The following MMAB variants were observed in gnomAD, a reference collection of about 807,000 sequenced individuals.
MMAB encodes the protein corrinoid adenosyltransferase MMAB.
A neutral mutation model predicts 30.6 loss-of-function variants in MMAB; 17 were observed. The ratio of observed to expected loss-of-function variants is 0.56; its 90% CI spans 0.38 to 0.83. The LOEUF is 0.83. Ranked by LOEUF, MMAB falls within the 40% of genes least tolerant of loss-of-function variation. The pLI is 0.00. For synonymous variants in MMAB, 134 were observed against 138.6 expected (o/e 0.97, Z 0.23); for missense variants, 311 against 331.6 (o/e 0.94, Z 0.48).
chr12:109,570,873 CAA>C (rs111235348), intron 2 of MMAB, among the ~76,000 whole-genome samples: 36 of 92,318 alleles, frequency 3.9e-4, no homozygotes, highest in East Asian at 1.5e-3. Context: ...AACCCTGTAT[CAA>C]AAAAAAAAAA....
At chr12:109,560,888 T>C in intron 7 of MMAB, 152 bp downstream of exon 7, 2 of 787,526 alleles carry the variant, frequency 2.5e-6, no homozygotes, top group South Asian at 3.0e-5. Context: ...GCTGGATGGC[T>C]CAGAGATGGC....
In MMAB at chr12:109,554,213, T is replaced by C; in HGVS notation, c.*2815A>G. 1 of 453,894 alleles carries C rather than the reference T, an allele frequency of 2.2e-6. No individual in the cohort carries two copies. Among genetic ancestry groups the C allele is most frequent in the South Asian group, 1.6e-5 (1 of 64,480 alleles). The allele number at this position is 453,894 out of a possible 1,614,324, so 28.1% of individuals were successfully genotyped here. ...ACCCAATGCCTCCTTCCAGGGCTGC[T>C]ATGGGGTTCAAATGAGATAATGTCT... On this transcript the variant is annotated 3_prime_UTR_variant, in exon 9 of 9. Coordinates refer to ENST00000545712, the MANE Select transcript of MMAB (RefSeq NM_052845.4).
Position 109,568,802 on chromosome 12 carries a change from CA to C in MMAB, c.257del (p.Val86GlyfsTer7). On this transcript the variant is annotated frameshift_variant, in exon 3 of 9. Transcript: ENST00000545712. LOFTEE classifies it high-confidence loss of function. ...CTGAACTTAATTCATCTGTAGTTCC[CA>C]CGGCTTCAAACACTTGGTCATCTTT... ...RPKDDQVFEA[V>X]GTTDELSSAI... The C allele has an allele frequency of 6.2e-7, 1 of 1,614,152 alleles. No homozygotes were observed. Among genetic ancestry groups the C allele is most frequent in the South Asian group, 1.1e-5 (1 of 91,082 alleles).
chr12:109,559,227 T>G, intron 7 of MMAB, 72 bp from the exon 8 acceptor site: 1 of 1,169,922 alleles, frequency 8.5e-7, no homozygotes. Flanking sequence ...GCCTAAACCT[T>G]GAGCAGCATT....
intron 7 of MMAB, among the ~76,000 whole-genome samples, chr12:109,559,461 C>T (rs1342433765): frequency 6.6e-6 from 1 of 152,236 alleles, no homozygotes; most frequent in African/African-American, 2.4e-5. Context: ...GGACCTGGGT[C>T]TGGGTGGGGT....
chr12:109,565,077 G>A (rs779165443), intron 4 of MMAB, 42 bp downstream of exon 4: 9 of 1,539,518 alleles, frequency 5.8e-6, no homozygotes, highest in African/African-American at 4.1e-5. Context: ...GATGGCCACC[G>A]GGGCTGAAGA....
At chr12:109,563,435 G>A (rs1310741633) in intron 4 of MMAB, among the ~76,000 whole-genome samples, 4 of 152,236 alleles carry the variant, frequency 2.6e-5, no homozygotes, top group Non-Finnish European at 4.4e-5. Flanking sequence ...CCCTGCGAGC[G>A]GCTACCAGGC....
At chr12:109,566,325 A>G (rs1884426971) in intron 3 of MMAB, among the ~76,000 whole-genome samples, 1 of 152,236 alleles carries the variant, frequency 6.6e-6, no homozygotes, top group Non-Finnish European at 1.5e-5. Context: ...GGTGAAGAGA[A>G]GGGATTTGAA....
At chr12:109,560,917 T>C (rs1884166658) in intron 7 of MMAB, 123 bp downstream of exon 7, 2 of 975,860 alleles carry the variant, frequency 2.0e-6, no homozygotes, top group Non-Finnish European at 3.1e-6. Context: ...ACCTGCCTCC[T>C]GCCCGCTGTG....
chr12:109,566,207 C>T (rs1884419884), intron 3 of MMAB, among the ~76,000 whole-genome samples: 1 of 152,226 alleles, frequency 6.6e-6, no homozygotes, highest in Non-Finnish European at 1.5e-5. Context: ...TCTCCTATCA[C>T]CTACTGGTGC....
Position 109,569,420 on chromosome 12 carries a change from A to G in MMAB, c.197-557T>C, listed in dbSNP as rs1884558669. 6.6e-6 allele frequency among the ~76,000 whole-genome samples: 1 copy of G among 151,946 alleles called. No individual in the cohort carries two copies. The highest frequency in any genetic ancestry group is 1.5e-5 in the Non-Finnish European group (1 of 67,988). The stretch of plus-strand genomic sequence containing the variant: ...CCCCATGTAACCCCTTTTAGTTGCC[A>G]CTCCCCAAGGGTTAGCCACTATGCT... On this transcript the variant is annotated intron_variant, in intron 2 of 8. Transcript: ENST00000545712. This position sits in a 1 kb window ranked among gnomAD's most constrained non-coding sequence, Gnocchi z 4.1.
At position 109,561,684 on chromosome 12, in the gene MMAB, C is replaced by T. The variant is rs1884211791; in HGVS notation, c.421+96G>A. 3 of 1,298,000 alleles carry T rather than the reference C, an allele frequency of 2.3e-6. No individual in the cohort carries two copies. Among genetic ancestry groups the T allele is most frequent in the Middle Eastern group, 1.8e-4 (1 of 5,554 alleles). The allele number at this position is 1,298,000 out of a possible 1,614,324, so 80.4% of individuals were successfully genotyped here. A position where few individuals can be genotyped will look rare whatever the true frequency, so the allele number is the denominator to read the frequency against. On this transcript the variant is annotated intron_variant, in intron 5 of 8. Coordinates refer to ENST00000545712, the MANE Select transcript of MMAB (RefSeq NM_052845.4). This position sits in a 1 kb window ranked among gnomAD's most constrained non-coding sequence, Gnocchi z 5.3. ...TACGAGCAAGGCTAACTGACCCACC[C>T]GTGGGTCCCTGGGGGCCTGGGATCC...
chr12:109,555,378 G>A lies in MMAB; in HGVS notation c.*1650C>T, dbSNP rs1033805501. ...GCTCACTGCAGCCTCTGCCTCGTAGGTTCAAGTGATTCTCCTGCCTCAGCC... is the reference window on the plus strand; with the variant it reads ...GCTCACTGCAGCCTCTGCCTCGTAGATTCAAGTGATTCTCCTGCCTCAGCC... On this transcript the variant is annotated 3_prime_UTR_variant, in exon 9 of 9. Coordinates refer to ENST00000545712, the MANE Select transcript of MMAB (RefSeq NM_052845.4). 1.4e-5 allele frequency: 6 copies of A among 422,424 alleles called. No homozygotes were observed. The highest frequency in any genetic ancestry group is 2.7e-5 in the Non-Finnish European group (6 of 218,332). 26.2% of individuals were successfully genotyped at this position (422,424 alleles called of 1,614,324 possible). A position where few individuals can be genotyped will look rare whatever the true frequency, so the allele number is the denominator to read the frequency against.
rs747163137 is a variant in MMAB at position 109,554,292 on chromosome 12, C to G, written c.*2736G>C. ...ATAGCAAGCCCTTCCACAGTGCGGG[C>G]TGGTGTCACTGTGACTGTGGGCTTC... On this transcript the variant is annotated 3_prime_UTR_variant, in exon 9 of 9. Transcript: ENST00000545712. 7.0e-5 allele frequency: 32 copies of G among 454,066 alleles called. 1 individual carries two copies. Among genetic ancestry groups the G allele is most frequent in the South Asian group, 4.7e-4 (30 of 64,470 alleles). 28.1% of individuals were successfully genotyped at this position (454,066 alleles called of 1,614,324 possible).
rs767064351 is a variant in MMAB at position 109,554,477 on chromosome 12, T to A, written c.*2551A>T. On this transcript the variant is annotated 3_prime_UTR_variant, in exon 9 of 9. Coordinates refer to ENST00000545712, the MANE Select transcript of MMAB (RefSeq NM_052845.4). ...GATCGAGTAGTATTTGTGTGCAATATTTTCCAAAATCAAATTATGAAAAAA... is the reference window on the plus strand; with the variant it reads ...GATCGAGTAGTATTTGTGTGCAATAATTTCCAAAATCAAATTATGAAAAAA... 1 of 454,126 alleles carries A rather than the reference T, an allele frequency of 2.2e-6. No individual in the cohort carries two copies. The highest frequency in any genetic ancestry group is 6.9e-4 in the Middle Eastern group (1 of 1,444). 28.1% of individuals were successfully genotyped at this position (454,126 alleles called of 1,614,324 possible).
At chr12:109,571,746 G>A (rs1164483758) in intron 1 of MMAB, 36 bp from the exon 2 acceptor site, 1 of 1,591,410 alleles carries the variant, frequency 6.3e-7, no homozygotes, top group African/African-American at 1.3e-5. Flanking sequence ...TGGTGAGTGG[G>A]GATGGCTTAC....
chr12:109,573,449 C>A lies in MMAB; in HGVS notation c.32G>T (p.Gly11Val). 1.1e-5 allele frequency: 17 copies of A among 1,608,096 alleles called. No homozygotes were observed. The highest frequency in any genetic ancestry group is 1.4e-5 in the Non-Finnish European group (17 of 1,179,114). Residue 11 changes from glycine (G) to valine (V), a missense_variant, in exon 1 of 9, where the codon GGC (glycine) becomes GTC (valine). Physicochemically the swap from Gly to Val is moderately radical, Grantham distance 109. Coordinates refer to ENST00000545712, the MANE Select transcript of MMAB (RefSeq NM_052845.4). The part of the protein sequence containing the change: MAVCGLGSRL[G>V]LGSRLGLRGC... The stretch of plus-strand genomic sequence containing the variant: ...GCGCAGGCCAAGACGGCTCCCCAGG[C>A]CAAGACGGCTCCCCAGGCCGCACAC...
At chr12:109,564,581 A>C in intron 4 of MMAB, among the ~76,000 whole-genome samples, 1 of 149,624 alleles carries the variant, frequency 6.7e-6, no homozygotes, top group African/African-American at 2.5e-5. Context: ...TTGTAGAGAC[A>C]GGGTCTCCCT....
intron 2 of MMAB, among the ~76,000 whole-genome samples, chr12:109,570,472 G>A (rs1884593440): frequency 6.6e-6 from 1 of 152,134 alleles, no homozygotes; most frequent in Non-Finnish European, 1.5e-5. Context: ...ACCATTCAGT[G>A]GCACTGAGTA....
Sources: allele counts gnomAD v4.1 joint callset (sites outside exome capture counted in the v4.1 genomes callset), GRCh38; gene constraint gnomAD v4.1.1; non-coding constraint Gnocchi (gnomAD v3.1); transcripts MANE v1.5; gene names NCBI Gene and HGNC (gene_info 2026-07-23, HGNC 2026-07-21).